Variants in VAT1L observed in about 807,000 individuals in gnomAD.
VAT1L encodes the protein putative NADPH-dependent quinone oxidoreductase VAT1L.
In VAT1L, 34 loss-of-function variants were observed where a neutral mutation model predicts 44.1. The observed-to-expected ratio is 0.77, with a 90% CI of 0.59 to 1.03. The LOEUF is 1.03. VAT1L is among the 50% of genes least tolerant of loss of function. VAT1L has a pLI of 0.00. For missense variants in VAT1L, 615 were observed against 538.8 expected (o/e 1.14, Z -1.40); for synonymous variants, 253 against 202.2 (o/e 1.25, Z -2.13).
intron 7 of VAT1L, among the ~76,000 whole-genome samples, chr16:77,895,100 C>CCCCACACACACACACACACACACA (rs1555517699): frequency 2.8e-5 from 4 of 145,152 alleles, no homozygotes; most frequent in African/African-American, 5.2e-5. Context: ...AGCCACTTGC[C>CCCCACACACACACACACACACACA]CACACACACA....
chr16:77,811,536 A>G (rs2016265717), intron 1 of VAT1L, among the ~76,000 whole-genome samples: 1 of 152,200 alleles, frequency 6.6e-6, no homozygotes, highest in Non-Finnish European at 1.5e-5. Context: ...TCATATAAAA[A>G]GGGCTTATAT....
chr16:77,923,053 G>C (rs944064773), intron 7 of VAT1L, among the ~76,000 whole-genome samples: 4 of 152,196 alleles, frequency 2.6e-5, no homozygotes, highest in Non-Finnish European at 5.9e-5. Context: ...GTGGGCTTTG[G>C]AGAGTTCTCC....
chr16:77,863,010 G>C, intron 4 of VAT1L, 120 bp downstream of exon 4: 1 of 1,276,602 alleles, frequency 7.8e-7, no homozygotes, highest in Non-Finnish European at 1.1e-6. Flanking sequence ...TGGGGGCTTA[G>C]TATTATTAGC....
intron 1 of VAT1L, among the ~76,000 whole-genome samples, chr16:77,791,320 T>G (rs1164703602): frequency 6.6e-6 from 1 of 152,216 alleles, no homozygotes; most frequent in African/African-American, 2.4e-5. Context: ...GATATGCTTT[T>G]TGCTTGGAAT....
chr16:77,970,084 A>C (rs1409333713), intron 7 of VAT1L, among the ~76,000 whole-genome samples: 1 of 150,028 alleles, frequency 6.7e-6, no homozygotes, highest in Non-Finnish European at 1.5e-5. Context: ...AAGGCAAAAA[A>C]TTAGCTGAGC....
Position 77,932,252 on chromosome 16 carries a change from C to T in VAT1L, c.1078-39598C>T, listed in dbSNP as rs548617577. On this transcript the variant is annotated intron_variant, in intron 7 of 8. Coordinates refer to ENST00000302536, the MANE Select transcript of VAT1L (RefSeq NM_020927.3). ...CCAAGTAGCTGGGACTACAGGCGCC[C>T]GCCACCACAGCTGGCTAATTTTTTT... 1.8e-3 allele frequency among the ~76,000 whole-genome samples: 280 copies of T among 151,782 alleles called. 1 individual carries two copies. Among genetic ancestry groups the T allele is most frequent in the African/African-American group, 6.4e-3 (265 of 41,416 alleles).
intron 7 of VAT1L, among the ~76,000 whole-genome samples, chr16:77,895,100 C>CCACACACACACACAGACACACACACA (rs1555517700): frequency 2.8e-5 from 4 of 145,152 alleles, no homozygotes; most frequent in African/African-American, 1.0e-4. Context: ...AGCCACTTGC[C>CCACACACACACACAGACACACACACA]CACACACACA....
At chr16:77,808,081 C>A (rs1430331192) in intron 1 of VAT1L, among the ~76,000 whole-genome samples, 1 of 151,810 alleles carries the variant, frequency 6.6e-6, no homozygotes, top group Non-Finnish European at 1.5e-5. Flanking sequence ...AATGGGCCAC[C>A]AAGCAGGAGG....
At chr16:77,828,588 G>A (rs1368649863) in intron 3 of VAT1L, among the ~76,000 whole-genome samples, 3 of 152,138 alleles carry the variant, frequency 2.0e-5, no homozygotes, top group Non-Finnish European at 4.4e-5. Flanking sequence ...GCTTGAAGCC[G>A]GGAGGCAGAG....
chr16:77,879,777 C>G lies in VAT1L; in HGVS notation c.882+553C>G, dbSNP rs1470623344. Among the ~76,000 whole-genome samples, 1 of 152,188 alleles carries G rather than the reference C, an allele frequency of 6.6e-6. No individual in the cohort carries two copies. The highest frequency in any genetic ancestry group is 1.5e-5 in the Non-Finnish European group (1 of 68,034). ...AAGAAAGCTACAGCTTTATTTCAGT[C>G]AAAATTGCTTAAGTGTTGGTGTCTT... On this transcript the variant is annotated intron_variant, in intron 6 of 8. Coordinates refer to ENST00000302536, the MANE Select transcript of VAT1L (RefSeq NM_020927.3). This position sits in a 1 kb window ranked among gnomAD's most constrained non-coding sequence, Gnocchi z 4.1.
intron 7 of VAT1L, among the ~76,000 whole-genome samples, chr16:77,922,134 T>C (rs2017618321): frequency 6.6e-6 from 1 of 152,188 alleles, no homozygotes; most frequent in South Asian, 2.1e-4. Context: ...GTGGAATATT[T>C]TATTTCATAA....
In VAT1L at chr16:77,862,786, C is replaced by A; in HGVS notation, c.618C>A (p.Asn206Lys). 1 of 1,614,108 alleles carries A rather than the reference C, an allele frequency of 6.2e-7. No homozygotes were observed. Among genetic ancestry groups the A allele is most frequent in the East Asian group, 2.2e-5 (1 of 44,878 alleles). ...AVAQLCSTVP[N>K]VTVFGTASTF... ...CTCAGCTGTGTTCCACTGTCCCCAA[C>A]GTGACTGTCTTTGGAACAGCCTCTA... is the stretch of plus-strand genomic sequence containing the variant. Residue 206 changes from asparagine to lysine, a missense_variant, in exon 4 of 9, where the codon AAC becomes AAA. Coordinates refer to ENST00000302536, the MANE Select transcript of VAT1L (RefSeq NM_020927.3).
intron 7 of VAT1L, chr16:77,892,801 G>C: frequency 1.3e-6 from 1 of 799,740 alleles, no homozygotes. Context: ...GCAAGCATGT[G>C]GTCTTTGACA....
Position 77,892,859 on chromosome 16 carries a change from T to C in VAT1L, c.1077+8057T>C. ...TGTGGAGGCCATGGAGTGCTTTGGG[T>C]CCAGGAATGGCAAGACCAGCAAGAA... is the stretch of plus-strand genomic sequence containing the variant. On this transcript the variant is annotated intron_variant, in intron 7 of 8. Coordinates refer to ENST00000302536, the MANE Select transcript of VAT1L (RefSeq NM_020927.3). The C allele has an allele frequency of 2.9e-6, 3 of 1,025,470 alleles. No individual in the cohort carries two copies. In the South Asian group the frequency reaches 3.8e-5, roughly 13 times the overall value. The allele number at this position is 1,025,470 out of a possible 1,614,324, so 63.5% of individuals were successfully genotyped here. A position where few individuals can be genotyped will look rare whatever the true frequency, so the allele number is the denominator to read the frequency against.
chr16:77,920,807 G>T (rs991190710), intron 7 of VAT1L, among the ~76,000 whole-genome samples: 8 of 152,128 alleles, frequency 5.3e-5, no homozygotes, highest in Admixed American at 5.2e-4. Flanking sequence ...TACGGCCTAG[G>T]TGTATGGTAG....
chr16:77,965,097 ATT>A (rs79543353), intron 7 of VAT1L, among the ~76,000 whole-genome samples: 1 of 151,292 alleles, frequency 6.6e-6, no homozygotes, highest in African/African-American at 2.4e-5. Flanking sequence ...CCTGTAGCAC[ATT>A]TTTTTTTATG....
intron 3 of VAT1L, among the ~76,000 whole-genome samples, chr16:77,833,742 T>G (rs2016608008): frequency 6.7e-6 from 1 of 149,752 alleles, no homozygotes; most frequent in Non-Finnish European, 1.5e-5. Context: ...AAAGTGAGAC[T>G]CTGTCTCAAA....
At position 77,788,699 on chromosome 16, in the gene VAT1L, T is replaced by A; in HGVS notation, c.17T>A (p.Val6Glu). 2 of 1,551,812 alleles carry A rather than the reference T, an allele frequency of 1.3e-6. No homozygotes were observed. Among genetic ancestry groups the A allele is most frequent in the Non-Finnish European group, 1.7e-6 (2 of 1,147,476 alleles). Residue 6 changes from valine (V) to glutamate (E), a missense_variant, in exon 1 of 9, where the codon GTG becomes GAG. Transcript: ENST00000302536. ...TCGAGCGCCATGGCCAAGGAAGGCG[T>A]GGAGAAGGCGGAGGAGACGGAGCAA... MAKEG[V>E]EKAEETEQMI...
At position 77,830,228 on chromosome 16, in the gene VAT1L, A is replaced by T. The variant is rs181040404; in HGVS notation, c.579+4767A>T. Among the ~76,000 whole-genome samples the T allele has an allele frequency of 1.3e-3, 197 of 152,280 alleles. 2 individuals are homozygous for T. The highest frequency in any genetic ancestry group is 4.7e-3 in the African/African-American group (195 of 41,550). On this transcript the variant is annotated intron_variant, in intron 3 of 8. Transcript: ENST00000302536. Reference sequence around the variant, plus strand: ...AATAGCATCAAAGTAGCAAAATTTGAAGCTCTGAACCTCTGTGCCTTTTCA... The same window carrying T: ...AATAGCATCAAAGTAGCAAAATTTGTAGCTCTGAACCTCTGTGCCTTTTCA...
Sources: gnomAD v4.1 joint callset for allele counts (sites outside exome capture counted in the v4.1 genomes callset) on GRCh38, gnomAD v4.1.1 for gene constraint, Gnocchi (gnomAD v3.1) non-coding constraint, MANE v1.5 for transcripts, NCBI Gene and HGNC (gene_info 2026-07-23, HGNC 2026-07-21) for gene names.